OSBPL11: variants seen among roughly 807,000 people sequenced by gnomAD.
OSBPL11 encodes the protein oxysterol-binding protein-related protein 11.
Under a neutral mutation model 84.4 loss-of-function variants are expected in OSBPL11, and 33 were observed. The observed-to-expected ratio is 0.39, with a 90% CI of 0.30 to 0.52. OSBPL11 has a LOEUF of 0.52. Among genes scored for constraint, OSBPL11 ranks in the 20% least tolerant of loss-of-function variants. OSBPL11 has a pLI of 0.72. For missense variants in OSBPL11, 736 were observed against 901.1 expected (o/e 0.82, Z 2.35); for synonymous variants, 276 against 310.2 (o/e 0.89, Z 1.16).
intron 12 of OSBPL11, among the ~76,000 whole-genome samples, chr3:125,530,969 C>A (rs536907037): frequency 7.1e-6 from 1 of 141,154 alleles, no homozygotes; most frequent in African/African-American, 2.9e-5. Flanking sequence ...CCCCAGAACT[C>A]ATTTTTTTTC....
intron 10 of OSBPL11, among the ~76,000 whole-genome samples, chr3:125,542,316 C>T (rs1371716655): frequency 6.8e-6 from 1 of 147,850 alleles, no homozygotes; most frequent in Non-Finnish European, 1.5e-5. Flanking sequence ...TTATGGAAAG[C>T]GATGCTTTTT....
chr3:125,582,089 CTTT>C (rs1463064114), intron 2 of OSBPL11, among the ~76,000 whole-genome samples: 27 of 152,144 alleles, frequency 1.8e-4, no homozygotes, highest in Non-Finnish European at 2.9e-5. Flanking sequence ...GATCCCTGCA[CTTT>C]GGGAGGCCAA....
Position 125,594,898 on chromosome 3 carries a change from T to C in OSBPL11, c.-98A>G. On this transcript the variant is annotated 5_prime_UTR_variant, in exon 1 of 13. Coordinates refer to ENST00000296220, the MANE Select transcript of OSBPL11 (RefSeq NM_022776.5). ...TTTTTAAGATTTGATCTGAATATGA[T>C]ACCGGTTGCTAAATCACACGGCGGC... 7.4e-7 allele frequency: 1 copy of C among 1,344,774 alleles called. No homozygotes were observed. Among genetic ancestry groups the C allele is most frequent in the Non-Finnish European group, 1.0e-6 (1 of 987,492 alleles). 83.3% of individuals were successfully genotyped at this position (1,344,774 alleles called of 1,614,324 possible).
chr3:125,555,368 T>G (rs1379514144), intron 8 of OSBPL11, among the ~76,000 whole-genome samples: 1 of 152,162 alleles, frequency 6.6e-6, no homozygotes, highest in Non-Finnish European at 1.5e-5. Context: ...GAGTCAATAT[T>G]CCTTAATAAA....
chr3:125,590,969 T>C (rs185192822), intron 1 of OSBPL11, among the ~76,000 whole-genome samples: 137 of 152,306 alleles, frequency 9.0e-4, no homozygotes, highest in African/African-American at 3.2e-3. Context: ...GTCTATATTG[T>C]CATTTAGACT....
Position 125,552,385 on chromosome 3 carries a change from G to C in OSBPL11, c.1450C>G (p.His484Asp), listed in dbSNP as rs1415664180. ...SSSSTQGVTN[H>D]APLSGESLTQ... ...AAAGACTCCCCCGATAAAGGAGCAT[G>C]ATTTGTGACTCCCTGGGTGGAAGAA... The change falls in exon 9 of 13, where the codon CAT (histidine) becomes GAT (aspartate). Residue 484 changes from histidine (H) to aspartate (D), a missense_variant. Transcript: ENST00000296220. The C allele has an allele frequency of 6.2e-7, 1 of 1,614,012 alleles. No individual in the cohort carries two copies. Among genetic ancestry groups the C allele is most frequent in the East Asian group, 2.2e-5 (1 of 44,892 alleles).
intron 11 of OSBPL11, among the ~76,000 whole-genome samples, chr3:125,537,372 A>G (rs890676009): frequency 1.5e-4 from 23 of 152,110 alleles, no homozygotes; most frequent in African/African-American, 4.8e-4. Flanking sequence ...TTGCACCATC[A>G]TAAGAGCCCA....
intron 11 of OSBPL11, among the ~76,000 whole-genome samples, chr3:125,533,153 TCTTCCTTTCTTTCCTCCCCC>T (rs1477205168): frequency 6.6e-6 from 1 of 151,968 alleles, no homozygotes; most frequent in Non-Finnish European, 1.5e-5. Context: ...TTTCTTTCTT[TCTTCCTTTCTTTCCTCCCCC>T]CTTCCTTCTC....
At chr3:125,534,455 G>T in intron 11 of OSBPL11, among the ~76,000 whole-genome samples, 1 of 148,930 alleles carries the variant, frequency 6.7e-6, no homozygotes, top group East Asian at 2.0e-4. Flanking sequence ...CCTAAATAAA[G>T]AATTAAAATC....
At chr3:125,578,849 A>T in intron 4 of OSBPL11, 111 bp downstream of exon 4, 1 of 566,494 alleles carries the variant, frequency 1.8e-6, no homozygotes, top group Non-Finnish European at 3.0e-6. Context: ...TATATACTTT[A>T]AAAGGGTGAA....
chr3:125,547,555 T>C lies in OSBPL11; in HGVS notation c.1692A>G (p.Thr564=). The part of the protein sequence containing the change: ...LSLLEHGEEY[T]FSLPCAYARS... ...GAGCATATGCACAGGGTAGAGAAAA[T>C]GTGTACTCTTCTCCATGCTCCAACA... Residue 564 remains threonine, a synonymous_variant, in exon 10 of 13, where the codon ACA becomes ACG. Coordinates refer to ENST00000296220, the MANE Select transcript of OSBPL11 (RefSeq NM_022776.5). 6.2e-7 allele frequency: 1 copy of C among 1,613,022 alleles called. No homozygotes were observed. The highest frequency in any genetic ancestry group is 8.5e-7 in the Non-Finnish European group (1 of 1,179,438).
intron 10 of OSBPL11, among the ~76,000 whole-genome samples, chr3:125,546,507 T>C (rs374857348): frequency 3.9e-5 from 6 of 152,288 alleles, no homozygotes; most frequent in African/African-American, 1.4e-4. Context: ...TAATTTTGTA[T>C]TTTTAGTAGA....
At chr3:125,587,259 C>G (rs535756832) in intron 1 of OSBPL11, among the ~76,000 whole-genome samples, 1 of 152,320 alleles carries the variant, frequency 6.6e-6, no homozygotes, top group South Asian at 2.1e-4. Context: ...GAGCAACACT[C>G]AGATTTCCAG....
In OSBPL11 at chr3:125,594,880, G is replaced by A. The variant is rs1936657815; in HGVS notation, c.-80C>T. Reference sequence around the variant, plus strand: ...TCTGTAGGTGACTTTTTTTTTTTAAGATTTGATCTGAATATGATACCGGTT... The same window carrying A: ...TCTGTAGGTGACTTTTTTTTTTTAAAATTTGATCTGAATATGATACCGGTT... On this transcript the variant is annotated 5_prime_UTR_variant, in exon 1 of 13. Coordinates refer to ENST00000296220, the MANE Select transcript of OSBPL11 (RefSeq NM_022776.5). 3 of 1,448,366 alleles carry A rather than the reference G, an allele frequency of 2.1e-6. No individual in the cohort carries two copies. The highest frequency in any genetic ancestry group is 2.3e-5 in the East Asian group (1 of 43,740). 89.7% of individuals were successfully genotyped at this position (1,448,366 alleles called of 1,614,324 possible). A position where few individuals can be genotyped will look rare whatever the true frequency, so the allele number is the denominator to read the frequency against.
chr3:125,574,980 T>C (rs2333268), intron 5 of OSBPL11, among the ~76,000 whole-genome samples: 10,416 of 152,214 alleles, frequency 0.068, 482 homozygotes, highest in African/African-American at 0.13. Flanking sequence ...TAAGAAACTA[T>C]CAGTTGTCAA....
chr3:125,592,218 T>C (rs777555432), intron 1 of OSBPL11, among the ~76,000 whole-genome samples: 1 of 152,062 alleles, frequency 6.6e-6, no homozygotes, highest in African/African-American at 2.4e-5. Flanking sequence ...TTTTAATTTT[T>C]TGTAGAGATG....
chr3:125,551,317 T>C (rs1935904590), intron 9 of OSBPL11, among the ~76,000 whole-genome samples: 1 of 151,468 alleles, frequency 6.6e-6, no homozygotes, highest in African/African-American at 2.4e-5. Context: ...CTCAAAACTA[T>C]ATATATTATT....
Position 125,560,471 on chromosome 3 carries a change from G to A in OSBPL11, c.1063C>T (p.His355Tyr). ...ACAGCTCCCAGGTCATCCTCTTTGT[G>A]GTCACATGTATCCTCTATCTCATCA... ...ADDEIEDTCD[H>Y]KEDDLGAVEE... The change falls in exon 8 of 13, where the codon CAC (histidine) becomes TAC (tyrosine). Residue 355 changes from histidine to tyrosine, a missense_variant. His to Tyr is a moderately conservative substitution (Grantham distance 83, BLOSUM62 2). This residue lies in a region of OSBPL11 where 579 missense variants were observed against 717.6 expected (regional missense o/e 0.81). Transcript: ENST00000296220. 6.2e-7 allele frequency: 1 copy of A among 1,607,768 alleles called. No individual in the cohort carries two copies. The highest frequency in any genetic ancestry group is 8.5e-7 in the Non-Finnish European group (1 of 1,176,622).
chr3:125,530,671 T>C (rs758976411), intron 12 of OSBPL11, 91 bp from the exon 13 acceptor site: 7 of 1,047,686 alleles, frequency 6.7e-6, no homozygotes, highest in Non-Finnish European at 1.0e-5. Context: ...TGAAATGGAA[T>C]TCTATTTTCA....
Sources: allele counts gnomAD v4.1 joint callset (sites outside exome capture counted in the v4.1 genomes callset), GRCh38; gene constraint gnomAD v4.1.1; regional missense constraint gnomAD v4.1.1; transcripts MANE v1.5; gene names NCBI Gene and HGNC (gene_info 2026-07-23, HGNC 2026-07-21).